WRN: variants seen among roughly 807,000 people sequenced by gnomAD.
WRN encodes the protein WRN RecQ like helicase, also known as bifunctional 3'-5' exonuclease/ATP-dependent helicase WRN.
A neutral mutation model predicts 180.7 loss-of-function variants in WRN; 149 were observed. The observed-to-expected ratio is 0.82, with a 90% CI of 0.72 to 0.94. The LOEUF (loss-of-function observed/expected upper bound fraction) is 0.94, where lower values mean the gene tolerates loss of function less well. Ranked by LOEUF, WRN falls within the 40% of genes least tolerant of loss-of-function variation. WRN has a pLI of 0.00. For synonymous variants in WRN, 548 were observed against 568.9 expected (o/e 0.96, Z 0.52); for missense variants, 1,661 against 1,700.1 (o/e 0.98, Z 0.40).
At position 31,076,694 on chromosome 8, in the gene WRN, T is replaced by C. The variant is rs963283261; in HGVS notation, c.839+407T>C. On this transcript the variant is annotated intron_variant, in intron 8 of 34. Coordinates refer to ENST00000298139, the MANE Select transcript of WRN (RefSeq NM_000553.6). ...ATTTATAGTTTGGTCACTTGAAATC[T>C]ATAGTGACCAAAAGCAATGTCATAT... Among the ~76,000 whole-genome samples the C allele has an allele frequency of 5.9e-5, 9 of 152,230 alleles. No homozygotes were observed. In the East Asian group the frequency reaches 1.7e-3, roughly 29 times the overall value.
chr8:31,140,651 C>A (rs1292206708), intron 24 of WRN, among the ~76,000 whole-genome samples: 1 of 152,222 alleles, frequency 6.6e-6, no homozygotes, highest in Non-Finnish European at 1.5e-5. Flanking sequence ...TGCAGTGTAT[C>A]ATGTGCAAAA....
chr8:31,119,688 T>G (rs1021606835), intron 20 of WRN, among the ~76,000 whole-genome samples: 2 of 151,980 alleles, frequency 1.3e-5, no homozygotes, highest in African/African-American at 4.8e-5. Flanking sequence ...TTATTGTTAT[T>G]ACCTAAAAAA....
chr8:31,070,343 TTA>T (rs1812862815), intron 7 of WRN, among the ~76,000 whole-genome samples: 1 of 152,054 alleles, frequency 6.6e-6, no homozygotes, highest in Non-Finnish European at 1.5e-5. Context: ...CTTTTTATTA[TTA>T]GACTGTTTTT....
chr8:31,082,855 C>CCATTTTTTTATTGGGT (rs1451827030), intron 9 of WRN, among the ~76,000 whole-genome samples: 1 of 152,160 alleles, frequency 6.6e-6, no homozygotes, highest in Non-Finnish European at 1.5e-5. Flanking sequence ...ACATCTTTTA[C>CCATTTTTTTATTGGGT]ACCAATTATT....
intron 24 of WRN, among the ~76,000 whole-genome samples, chr8:31,138,640 G>A (rs1459723195): frequency 3.3e-5 from 5 of 152,148 alleles, no homozygotes; most frequent in African/African-American, 7.2e-5. Flanking sequence ...CAAGGTAGAA[G>A]GTGCCACATT....
intron 21 of WRN, among the ~76,000 whole-genome samples, chr8:31,122,860 GTT>G (rs71206298): frequency 0.047 from 3,230 of 69,322 alleles, 24 homozygotes; most frequent in South Asian, 0.08. Context: ...TTCTTTTCTT[GTT>G]TTTTTTTTTT....
At chr8:31,127,137 C>T (rs984828758) in intron 23 of WRN, among the ~76,000 whole-genome samples, 4 of 152,110 alleles carry the variant, frequency 2.6e-5, no homozygotes, top group Non-Finnish European at 5.9e-5. Context: ...ACAAATTCTA[C>T]CAAACATTTA....
chr8:31,150,368 G>T lies in WRN; in HGVS notation c.3600G>T (p.Arg1200Ser). The change falls in exon 31 of 35, where the codon AGG (arginine) becomes AGT (serine). Residue 1200 changes from arginine to serine, a missense_variant. By Grantham distance (110) the Arg-to-Ser change is moderately radical. This residue lies in a region of WRN where 1,141 missense variants were observed against 1,149.4 expected (regional missense o/e 0.99). Coordinates refer to ENST00000298139, the MANE Select transcript of WRN (RefSeq NM_000553.6). ...MRPTTVENVK[R>S]IDGVSEGKAA... is the part of the protein sequence containing the mutation. ...CAACTACGGTTGAAAACGTAAAAAG[G>T]ATTGATGGTGTTTCTGAAGGCAAAG... 6.2e-7 allele frequency: 1 copy of T among 1,614,112 alleles called. No homozygotes were observed. Among genetic ancestry groups the T allele is most frequent in the South Asian group, 1.1e-5 (1 of 91,084 alleles).
chr8:31,067,257 A>G (rs1812746774), intron 6 of WRN, 75 bp downstream of exon 6: 4 of 1,533,154 alleles, frequency 2.6e-6, no homozygotes, highest in South Asian at 1.2e-5. Flanking sequence ...GAAAAATTTT[A>G]TTATAGTAGT....
In WRN at chr8:31,085,671, T is replaced by C. The variant is rs557191439; in HGVS notation, c.1431+425T>C. 4.6e-5 allele frequency among the ~76,000 whole-genome samples: 7 copies of C among 152,200 alleles called. No homozygotes were observed. The South Asian group carries it at 1.4e-3, about 32-fold the overall frequency. On this transcript the variant is annotated intron_variant, in intron 11 of 34. Coordinates refer to ENST00000298139, the MANE Select transcript of WRN (RefSeq NM_000553.6). ...TTTTTGTAGAGATGGGGTTTCACCA[T>C]GTTGCCCAGGATGGTCTTAAACTCC... is the stretch of plus-strand genomic sequence containing the variant.
chr8:31,071,836 A>G (rs186553498), intron 7 of WRN, among the ~76,000 whole-genome samples: 58 of 152,332 alleles, frequency 3.8e-4, no homozygotes, highest in African/African-American at 1.4e-3. Flanking sequence ...CTCAAAATAC[A>G]TTTAATAAAC....
chr8:31,079,001 A>C (rs1385208981), intron 8 of WRN, among the ~76,000 whole-genome samples: 1 of 152,198 alleles, frequency 6.6e-6, no homozygotes, highest in Non-Finnish European at 1.5e-5. Context: ...TAACAGTTAA[A>C]CTGTATCACA....
chr8:31,170,971 A>G (rs1804079177), intron 34 of WRN, among the ~76,000 whole-genome samples: 2 of 152,354 alleles, frequency 1.3e-5, no homozygotes, highest in African/African-American at 4.8e-5. Flanking sequence ...AATGAGTTTG[A>G]AGAAGAAATC....
chr8:31,124,438 T>C, intron 21 of WRN, 84 bp from the exon 22 acceptor site: 15 of 1,058,566 alleles, frequency 1.4e-5, no homozygotes, highest in Non-Finnish European at 2.1e-5. Context: ...TAATGAAAAA[T>C]AAACAGTAAA....
chr8:31,116,421 A>G lies in WRN; in HGVS notation c.2341A>G (p.Thr781Ala), dbSNP rs1425977829. ...TTCTAGAAAAATGACACAACAAGTT[A>G]CAGGTGAACTTAGGAAACTGAATCT... ...CPSRKMTQQVTGELRKLNLSC... is the reference protein window; with the variant it reads ...CPSRKMTQQVAGELRKLNLSC... The change falls in exon 20 of 35, where the codon ACA (threonine) becomes GCA (alanine). Residue 781 changes from threonine (T) to alanine (A), a missense_variant. Coordinates refer to ENST00000298139, the MANE Select transcript of WRN (RefSeq NM_000553.6). The G allele has an allele frequency of 6.2e-7, 1 of 1,614,064 alleles. No homozygotes were observed. Among genetic ancestry groups the G allele is most frequent in the Admixed American group, 1.7e-5 (1 of 60,030 alleles).
chr8:31,079,037 A>G (rs760267254), intron 8 of WRN, among the ~76,000 whole-genome samples: 1 of 152,222 alleles, frequency 6.6e-6, no homozygotes, highest in Non-Finnish European at 1.5e-5. Flanking sequence ...AACTATTTGC[A>G]TATAATTTTA....
intron 18 of WRN, among the ~76,000 whole-genome samples, chr8:31,101,577 A>G (rs1800859164): frequency 6.6e-6 from 1 of 152,098 alleles, no homozygotes; most frequent in African/African-American, 2.4e-5. Flanking sequence ...ACCTGAGGTC[A>G]GGAGTTCGAG....
intron 23 of WRN, among the ~76,000 whole-genome samples, chr8:31,125,998 A>ATATATATATATATATATATC (rs1267704813): frequency 1.4e-5 from 2 of 145,378 alleles, no homozygotes; most frequent in African/African-American, 5.1e-5. Flanking sequence ...ATATATATAT[A>ATATATATATATATATATATC]TCTACTTAAC....
chr8:31,086,150 A>G (rs1813521489), intron 11 of WRN, among the ~76,000 whole-genome samples: 1 of 152,090 alleles, frequency 6.6e-6, no homozygotes, highest in Non-Finnish European at 1.5e-5. Flanking sequence ...AGAAAAACAC[A>G]GAAGTTCCCC....
Sources: allele counts gnomAD v4.1 joint callset (sites outside exome capture counted in the v4.1 genomes callset), GRCh38; gene constraint gnomAD v4.1.1; regional missense constraint gnomAD v4.1.1; transcripts MANE v1.5; gene names NCBI Gene and HGNC (gene_info 2026-07-23, HGNC 2026-07-21).